SLC4A10: variants seen among roughly 807,000 people sequenced by gnomAD.
SLC4A10 encodes the protein sodium-driven chloride bicarbonate exchanger.
A neutral mutation model predicts 137.7 loss-of-function variants in SLC4A10; 42 were observed. The ratio of observed to expected loss-of-function variants is 0.30; its 90% confidence interval spans 0.24 to 0.39. The LOEUF (loss-of-function observed/expected upper bound fraction) is 0.39, where lower values mean the gene tolerates loss of function less well. Among genes scored for constraint, SLC4A10 ranks in the 10% least tolerant of loss-of-function variants. The probability of loss-of-function intolerance (pLI) is 1.00; values close to 1 mark genes in which losing one functional copy is unlikely to be tolerated. For missense variants in SLC4A10, 925 were observed against 1,355.0 expected, an observed-to-expected ratio of 0.68 and a Z score of 4.98; for synonymous variants, 474 against 464.1, an observed-to-expected ratio of 1.02 and a Z score of -0.27.
chr2:161,752,694 T>C (rs1012928220), intron 1 of SLC4A10, among the ~76,000 whole-genome samples: 1 of 152,166 alleles, frequency 6.6e-6, no homozygotes, highest in Non-Finnish European at 1.5e-5. Flanking sequence ...GGGCATTATG[T>C]TAAGTGAACT....
At chr2:161,811,322 A>T (rs539117489) in intron 3 of SLC4A10, among the ~76,000 whole-genome samples, 1 of 151,772 alleles carries the variant, frequency 6.6e-6, no homozygotes, top group Non-Finnish European at 1.5e-5. Context: ...ACTCTGTTTC[A>T]TTTATCTTTG....
chr2:161,824,224 C>A (rs2057859754), intron 3 of SLC4A10, among the ~76,000 whole-genome samples: 1 of 152,082 alleles, frequency 6.6e-6, no homozygotes, highest in African/African-American at 2.4e-5. Flanking sequence ...TTTGTAAGGA[C>A]CTTTAAGGTT....
At chr2:161,973,735 C>A (rs1018351626) in intron 23 of SLC4A10, among the ~76,000 whole-genome samples, 23 of 152,132 alleles carry the variant, frequency 1.5e-4, no homozygotes, top group Non-Finnish European at 3.2e-4. Context: ...CTTGTTAGAA[C>A]TGGAAATTCT....
At chr2:161,800,261 A>G (rs1236328991) in intron 2 of SLC4A10, among the ~76,000 whole-genome samples, 4 of 152,100 alleles carry the variant, frequency 2.6e-5, no homozygotes, top group African/African-American at 9.7e-5. Flanking sequence ...CTGTTGCTAA[A>G]AAATTGTGGC....
intron 10 of SLC4A10, among the ~76,000 whole-genome samples, chr2:161,887,121 G>A (rs1575461587): frequency 6.6e-6 from 1 of 152,026 alleles, no homozygotes; most frequent in Non-Finnish European, 1.5e-5. Context: ...GGACATGAAC[G>A]TGTCCTCTTT....
intron 17 of SLC4A10, among the ~76,000 whole-genome samples, chr2:161,948,817 C>A (rs1168837530): frequency 6.6e-6 from 1 of 152,090 alleles, no homozygotes; most frequent in Non-Finnish European, 1.5e-5. Context: ...TCTGCCCATG[C>A]TACCTTATTC....
At chr2:161,633,354 G>A (rs2033897663) in intron 1 of SLC4A10, among the ~76,000 whole-genome samples, 2 of 151,744 alleles carry the variant, frequency 1.3e-5, no homozygotes, top group South Asian at 4.1e-4. Flanking sequence ...ACAGAACCAA[G>A]TGCATGGAAC....
intron 1 of SLC4A10, among the ~76,000 whole-genome samples, chr2:161,627,621 G>A (rs1467612378): frequency 6.6e-6 from 1 of 152,056 alleles, no homozygotes; most frequent in Non-Finnish European, 1.5e-5. Flanking sequence ...GCCTAGATAT[G>A]TTTCTCTTTT....
intron 23 of SLC4A10, among the ~76,000 whole-genome samples, chr2:161,968,163 T>C (rs1032223582): frequency 1.4e-4 from 22 of 152,224 alleles, no homozygotes; most frequent in African/African-American, 4.1e-4. Context: ...GATTCTCCTT[T>C]TATTTTCTGT....
chr2:161,978,997 G>A (rs1163868052), intron 26 of SLC4A10, among the ~76,000 whole-genome samples: 3 of 152,134 alleles, frequency 2.0e-5, no homozygotes, highest in Non-Finnish European at 2.9e-5. Context: ...ATTATGAGAA[G>A]GGCAGTTTCT....
intron 1 of SLC4A10, among the ~76,000 whole-genome samples, chr2:161,748,178 G>C (rs1412104845): frequency 6.6e-6 from 1 of 152,044 alleles, no homozygotes; most frequent in Non-Finnish European, 1.5e-5. Context: ...AATCTCTTAT[G>C]ATGAGACATA....
At chr2:161,823,492 T>C (rs954735323) in intron 3 of SLC4A10, among the ~76,000 whole-genome samples, 1 of 152,200 alleles carries the variant, frequency 6.6e-6, no homozygotes, top group African/African-American at 2.4e-5. Context: ...TCATCATGTT[T>C]AGTATAATAT....
chr2:161,708,830 G>T, intron 1 of SLC4A10: 1 of 1,529,966 alleles, frequency 6.5e-7, no homozygotes, highest in African/African-American at 1.4e-5. Context: ...AAGTCATCAG[G>T]TATGACCTCA....
At chr2:161,895,019 C>T (rs1417642278) in intron 11 of SLC4A10, among the ~76,000 whole-genome samples, 194 bp downstream of exon 11, 3 of 150,404 alleles carry the variant, frequency 2.0e-5, no homozygotes, top group South Asian at 4.2e-4. Context: ...CCCATTAACT[C>T]GTCATTTAGC....
At chr2:161,672,174 G>A (rs1359615108) in intron 1 of SLC4A10, among the ~76,000 whole-genome samples, 1 of 152,156 alleles carries the variant, frequency 6.6e-6, no homozygotes, top group South Asian at 2.1e-4. Flanking sequence ...AGAGCAAAAT[G>A]ACATGGTCTA....
intron 9 of SLC4A10, among the ~76,000 whole-genome samples, chr2:161,879,862 T>G (rs2061656989): frequency 6.6e-6 from 1 of 152,064 alleles, no homozygotes; most frequent in Admixed American, 6.6e-5. Flanking sequence ...GAGTTAAAGG[T>G]ACAAATTTAA....
chr2:161,868,855 T>A (rs1009447594), intron 6 of SLC4A10, among the ~76,000 whole-genome samples: 2 of 151,690 alleles, frequency 1.3e-5, no homozygotes, highest in Admixed American at 1.3e-4. Flanking sequence ...GATTACTCAA[T>A]GTCTTTTTTT....
chr2:161,764,037 A>G (rs893224582), intron 1 of SLC4A10, among the ~76,000 whole-genome samples: 4 of 152,126 alleles, frequency 2.6e-5, no homozygotes, highest in African/African-American at 9.6e-5. Flanking sequence ...TGGCAAAAAT[A>G]TAAAGTGATA....
intron 23 of SLC4A10, among the ~76,000 whole-genome samples, chr2:161,972,355 C>T (rs529909677): frequency 6.6e-6 from 1 of 152,244 alleles, no homozygotes; most frequent in Non-Finnish European, 1.5e-5. Flanking sequence ...CCAGGATGTG[C>T]CTACAATATA....
Sources: allele counts gnomAD v4.1 joint callset (sites outside exome capture counted in the v4.1 genomes callset), GRCh38; gene constraint gnomAD v4.1.1; transcripts MANE v1.5; gene names NCBI Gene and HGNC (gene_info 2026-07-23, HGNC 2026-07-21).